Variants in TSC1 observed in about 807,000 individuals in gnomAD.
TSC1 encodes hamartin.
In TSC1, 20 loss-of-function variants were observed where a neutral mutation model predicts 124.3. The ratio of observed to expected loss-of-function variants is 0.16; its 90% confidence interval spans 0.11 to 0.23. TSC1 has a LOEUF of 0.23. TSC1 is among the 10% of genes least tolerant of loss of function. The pLI, the probability that TSC1 is intolerant of heterozygous loss-of-function variation, is 1.00. For missense variants in TSC1, 1,124 were observed against 1,448.5 expected (o/e 0.78, Z 3.64); for synonymous variants, 493 against 539.1 (o/e 0.91, Z 1.19).
chr9:132,940,624 C>T (rs1847684457), intron 1 of TSC1: 1 of 152,212 alleles, frequency 6.6e-6, no homozygotes, highest in Non-Finnish European at 1.5e-5. Flanking sequence ...GAATAAGTGA[C>T]TATAGGCAAC....
chr9:132,898,205 A>C (rs1845188210), intron 20 of TSC1, among the ~76,000 whole-genome samples: 1 of 152,240 alleles, frequency 6.6e-6, no homozygotes, highest in Non-Finnish European at 1.5e-5. Flanking sequence ...CTGCTCAAGC[A>C]AAGCAGCCTT....
At chr9:132,924,268 C>A (rs1307749749) in intron 5 of TSC1, among the ~76,000 whole-genome samples, 1 of 152,078 alleles carries the variant, frequency 6.6e-6, no homozygotes, top group African/African-American at 2.4e-5. Flanking sequence ...AGATATTAAT[C>A]AAAAGACTAC....
At position 132,906,958 on chromosome 9, in the gene TSC1, A is replaced by G; in HGVS notation, c.1334-123T>C. On this transcript the variant is annotated intron_variant, in intron 13 of 22. Transcript: ENST00000298552. The surrounding 1 kb of genome is among the most constrained non-coding windows in gnomAD (Gnocchi z 4.1). ...CTTCATGCTGAACAGAGAAGGCTGG[A>G]CATGGCTCTGTCCTGGGGATACTAC... is the stretch of plus-strand genomic sequence containing the variant. 1.2e-6 allele frequency: 1 copy of G among 815,686 alleles called. No individual in the cohort carries two copies. Among genetic ancestry groups the G allele is most frequent in the Non-Finnish European group, 2.1e-6 (1 of 484,436 alleles). 50.5% of individuals were successfully genotyped at this position (815,686 alleles called of 1,614,324 possible). A position where few individuals can be genotyped will look rare whatever the true frequency, so the allele number is the denominator to read the frequency against.
chr9:132,910,463 T>G, intron 12 of TSC1, 108 bp downstream of exon 12: 1 of 1,582,250 alleles, frequency 6.3e-7, no homozygotes, highest in South Asian at 1.1e-5. Flanking sequence ...TCAAACCCAT[T>G]GCATTTTAGG....
In TSC1 at chr9:132,922,872, G is replaced by GA. The variant is rs543220345; in HGVS notation, c.508+475dup. 2.5e-3 allele frequency among the ~76,000 whole-genome samples: 359 copies of GA among 144,482 alleles called. 1 individual carries two copies. Among genetic ancestry groups the GA allele is most frequent in the African/African-American group, 7.6e-3 (302 of 39,694 alleles). The allele number at this position is 144,482 out of a possible 152,430, so 94.8% of individuals were successfully genotyped here. On this transcript the variant is annotated intron_variant, in intron 6 of 22. Coordinates refer to ENST00000298552, the MANE Select transcript of TSC1 (RefSeq NM_000368.5). Reference sequence around the variant, plus strand: ...AGAGCTCTGCTACCTGCCGATAGGGGAAAAAAAAAAACCACTGCATTTGAA... The same window carrying GA: ...AGAGCTCTGCTACCTGCCGATAGGGGAAAAAAAAAAAACCACTGCATTTGAA...
chr9:132,940,861 A>G (rs1338511506), intron 1 of TSC1: 7 of 152,246 alleles, frequency 4.6e-5, no homozygotes, highest in Admixed American at 4.6e-4. Flanking sequence ...CAACCATTGT[A>G]TAACTTAAAA....
intron 1 of TSC1, chr9:132,944,120 T>C (rs1193538701): frequency 6.5e-6 from 1 of 154,898 alleles, no homozygotes; most frequent in Non-Finnish European, 1.4e-5. Context: ...CTCTTTAAGT[T>C]CTGGGACCAG....
At chr9:132,911,431 G>A (rs767509841) in intron 10 of TSC1, 22 bp downstream of exon 10, 4 of 1,555,970 alleles carry the variant, frequency 2.6e-6, no homozygotes, top group South Asian at 1.1e-5. Context: ...GGAGAGAGCA[G>A]GCACACTAGT....
At position 132,896,692 on chromosome 9, in the gene TSC1, C is replaced by G. The variant is rs2131614033; in HGVS notation, c.3038G>C (p.Gly1013Ala). The G allele has an allele frequency of 6.2e-7, 1 of 1,614,056 alleles. No homozygotes were observed. Among genetic ancestry groups the G allele is most frequent in the Non-Finnish European group, 8.5e-7 (1 of 1,180,036 alleles). ...SMVGHNEEAS[G>A]HNGETKTPRP... ...GGGGGTCTTGGTCTCACCGTTGTGG[C>G]CAGATGCCTCTTCATTGTGCCCTAC... Residue 1013 changes from glycine (G) to alanine (A), a missense_variant, in exon 23 of 23, where the codon GGC (glycine) becomes GCC (alanine). Gly to Ala is a moderately conservative substitution (Grantham distance 60, BLOSUM62 0). Around this residue, in one of 5 missense-constraint regions of TSC1, gnomAD observed 325 missense variants for 383.4 expected, o/e 0.85. Transcript: ENST00000298552. This position sits in a 1 kb window ranked among gnomAD's most constrained non-coding sequence, Gnocchi z 4.5.
intron 1 of TSC1, among the ~76,000 whole-genome samples, chr9:132,938,545 C>T (rs1251520844): frequency 6.6e-6 from 1 of 152,202 alleles, no homozygotes; most frequent in African/African-American, 2.4e-5. Context: ...GCACATAGAT[C>T]AATCTGTTTT....
intron 4 of TSC1, chr9:132,926,980 A>T: frequency 1.9e-6 from 1 of 529,840 alleles, no homozygotes; most frequent in Non-Finnish European, 3.4e-6. Context: ...CCCAAACAAG[A>T]TCTTTAACAG....
rs186713016 is a variant in TSC1, at chr9:132,892,803, A to G, written c.*3432T>C. On this transcript the variant is annotated 3_prime_UTR_variant, in exon 23 of 23. Coordinates refer to ENST00000298552, the MANE Select transcript of TSC1 (RefSeq NM_000368.5). ...ACATGAAACGCATACCCAGTTTTCT[A>G]TTCTTAACAGTGAGTCTGAGCCTCT... 2 of 233,312 alleles carry G rather than the reference A, an allele frequency of 8.6e-6. No individual in the cohort carries two copies. Among genetic ancestry groups the G allele is most frequent in the Admixed American group, 5.6e-5 (1 of 17,798 alleles). 14.5% of individuals were successfully genotyped at this position (233,312 alleles called of 1,614,324 possible).
In TSC1 at chr9:132,894,345, C is replaced by G. The variant is rs1040646713; in HGVS notation, c.*1890G>C. ...ATGAGGAGAAGGAAAGCACTTAAAA[C>G]CAGTTTCAGGATTCACTGATGGGAT... On this transcript the variant is annotated 3_prime_UTR_variant, in exon 23 of 23. Transcript: ENST00000298552. 5 of 231,048 alleles carry G rather than the reference C, an allele frequency of 2.2e-5. No individual in the cohort carries two copies. The highest frequency in any genetic ancestry group is 4.3e-5 in the Non-Finnish European group (5 of 116,502). The allele number at this position is 231,048 out of a possible 1,614,324, so 14.3% of individuals were successfully genotyped here.
rs1463225301 is a variant in TSC1, at chr9:132,928,674, TGAAAAC to T, written c.106+87_106+92del. ...GGTGTTTAAAAAACTTTTCAGAAGATGAAAACTAAAATGTATCAGCAGGATTCTAGT... is the reference window on the plus strand; with the variant it reads ...GGTGTTTAAAAAACTTTTCAGAAGATTAAAATGTATCAGCAGGATTCTAGT... On this transcript the variant is annotated intron_variant, in intron 3 of 22. Transcript: ENST00000298552. 6 of 1,542,842 alleles carry T rather than the reference TGAAAAC, an allele frequency of 3.9e-6. No homozygotes were observed. The East Asian group carries it at 1.4e-4, about 36-fold the overall frequency.
rs2132238313 is a variant in TSC1, at chr9:132,925,721, T to C, written c.229A>G (p.Asn77Asp). The C allele has an allele frequency of 6.2e-7, 1 of 1,614,190 alleles. No homozygotes were observed. Among genetic ancestry groups the C allele is most frequent in the Non-Finnish European group, 8.5e-7 (1 of 1,180,036 alleles). Residue 77 changes from asparagine to aspartate, a missense_variant, in exon 5 of 23, where the codon AAC becomes GAC. This residue lies in a region of TSC1 where 463 missense variants were observed against 606.8 expected (regional missense o/e 0.76). Transcript: ENST00000298552. ...GTGGCGGCTTTGCCCACATATTCGT[T>C]AATCCTGTCCAAGAGGTGCTGAAAA... Reference protein sequence around the residue: ...PHDKHLLDRINEYVGKAATRL... With the variant: ...PHDKHLLDRIDEYVGKAATRL...
chr9:132,912,899 G>T, intron 8 of TSC1: 1 of 171,370 alleles, frequency 5.8e-6, no homozygotes, highest in Non-Finnish European at 1.3e-5. Context: ...CAGAAACAGA[G>T]TATAAAAAGA....
intron 2 of TSC1, among the ~76,000 whole-genome samples, chr9:132,930,058 C>G (rs945632941): frequency 3.3e-5 from 5 of 152,168 alleles, no homozygotes; most frequent in Non-Finnish European, 1.5e-5. Context: ...AAAAGGATAA[C>G]ACTTCCTTTT....
chr9:132,917,392 A>G (rs1846318175), intron 8 of TSC1, among the ~76,000 whole-genome samples: 1 of 152,046 alleles, frequency 6.6e-6, no homozygotes, highest in Non-Finnish European at 1.5e-5. Context: ...GTGCAGTAGC[A>G]CGATCTCGGC....
At chr9:132,908,768 C>A (rs1845794905) in intron 12 of TSC1, among the ~76,000 whole-genome samples, 1 of 151,948 alleles carries the variant, frequency 6.6e-6, no homozygotes, top group South Asian at 2.1e-4. Flanking sequence ...CGTATGTTGA[C>A]AGACTTTTCA....
Sources: allele counts gnomAD v4.1 joint callset (sites outside exome capture counted in the v4.1 genomes callset), GRCh38; gene constraint gnomAD v4.1.1; regional missense constraint gnomAD v4.1.1; non-coding constraint Gnocchi (gnomAD v3.1); transcripts MANE v1.5; gene names NCBI Gene and HGNC (gene_info 2026-07-23, HGNC 2026-07-21).